The following AJAP1 variants were observed in gnomAD, a reference collection of about 807,000 sequenced individuals.
AJAP1 encodes the protein adherens junctions associated protein 1.
In AJAP1, 5 loss-of-function variants were observed where a neutral mutation model predicts 35.0. The observed-to-expected ratio is 0.14, with a 90% CI of 0.07 to 0.30. AJAP1 has a LOEUF of 0.30. Ranked by LOEUF, AJAP1 falls within the 10% of genes least tolerant of loss-of-function variation. AJAP1 has a pLI of 1.00. For missense variants in AJAP1, 586 were observed against 571.0 expected, an observed-to-expected ratio of 1.03 and a Z score of -0.27; for synonymous variants, 284 against 249.3, an observed-to-expected ratio of 1.14 and a Z score of -1.31.
intron 2 of AJAP1, among the ~76,000 whole-genome samples, chr1:4,769,506 G>A (rs986532292): frequency 2.6e-5 from 4 of 152,186 alleles, no homozygotes; most frequent in African/African-American, 9.7e-5. Flanking sequence ...GAGCTGACCT[G>A]CCGCCAGGTA....
At chr1:4,711,361 C>T (rs1640229947) in intron 1 of AJAP1, among the ~76,000 whole-genome samples, 1 of 152,110 alleles carries the variant, frequency 6.6e-6, no homozygotes, top group South Asian at 2.1e-4. Flanking sequence ...CTTGAAACCT[C>T]CGCTCCTCCT....
intron 1 of AJAP1, among the ~76,000 whole-genome samples, chr1:4,691,145 C>T (rs1447085627): frequency 1.3e-5 from 2 of 152,210 alleles, no homozygotes; most frequent in African/African-American, 2.4e-5. Flanking sequence ...CGTGACTAAG[C>T]TGGGACCAGA....
intron 1 of AJAP1, among the ~76,000 whole-genome samples, chr1:4,711,694 C>G (rs1232851552): frequency 6.6e-6 from 1 of 152,186 alleles, no homozygotes; most frequent in African/African-American, 2.4e-5. Flanking sequence ...CCCGCACCCT[C>G]GCAGCGCGCG....
chr1:4,749,964 ATGTT>A (rs749335644), intron 2 of AJAP1, among the ~76,000 whole-genome samples: 2 of 150,932 alleles, frequency 1.3e-5, no homozygotes, highest in Non-Finnish European at 2.9e-5. Context: ...ATGTGTGTGT[ATGTT>A]TGTGTGTGAG....
In AJAP1 at chr1:4,791,047, G is replaced by A. The variant is rs779800431; in HGVS notation, c.*8562G>A. ...GATGGCAGGTGCTGGAGCCCAGAGA[G>A]GGGGTCACCCTCCAGCTAAAATGAT... On this transcript the variant is annotated 3_prime_UTR_variant, in exon 6 of 6. Transcript: ENST00000378191. 1 of 152,118 alleles carries A rather than the reference G, an allele frequency of 6.6e-6. No homozygotes were observed. Among genetic ancestry groups the A allele is most frequent in the Non-Finnish European group, 1.5e-5 (1 of 68,028 alleles). The allele number at this position is 152,118 out of a possible 1,614,324, so 9.4% of individuals were successfully genotyped here. A position where few individuals can be genotyped will look rare whatever the true frequency, so the allele number is the denominator to read the frequency against.
At chr1:4,722,131 G>A (rs1640531759) in intron 2 of AJAP1, among the ~76,000 whole-genome samples, 1 of 152,218 alleles carries the variant, frequency 6.6e-6, no homozygotes, top group Admixed American at 6.5e-5. Flanking sequence ...AGAGATGTTT[G>A]GGACAAAAAT....
chr1:4,679,335 T>G (rs920887461), intron 1 of AJAP1, among the ~76,000 whole-genome samples: 1 of 152,034 alleles, frequency 6.6e-6, no homozygotes, highest in African/African-American at 2.4e-5. Flanking sequence ...CCCCAGCTAC[T>G]AGAACAAAGA....
intron 1 of AJAP1, among the ~76,000 whole-genome samples, chr1:4,678,860 T>C (rs74697122): frequency 0.042 from 6,469 of 152,280 alleles, 179 homozygotes; most frequent in South Asian, 0.074. Context: ...TCAACAGGAC[T>C]GTGAGCCAGA....
intron 2 of AJAP1, among the ~76,000 whole-genome samples, chr1:4,769,484 A>C (rs1261063718): frequency 6.6e-6 from 1 of 152,158 alleles, no homozygotes; most frequent in Non-Finnish European, 1.5e-5. Flanking sequence ...GCCATGGGGA[A>C]TATCTCACCC....
chr1:4,705,521 A>G (rs4654590), intron 1 of AJAP1, among the ~76,000 whole-genome samples: 27,913 of 147,780 alleles, frequency 0.19, 3,005 homozygotes, highest in East Asian at 0.35. Flanking sequence ...CTTCCCAGTG[A>G]CAGCACTGGG....
chr1:4,748,054 A>G (rs1448362670), intron 2 of AJAP1, among the ~76,000 whole-genome samples: 1 of 149,430 alleles, frequency 6.7e-6, no homozygotes, highest in East Asian at 2.0e-4. Context: ...AACCCCACCC[A>G]CTGTGTCCCC....
At chr1:4,707,958 G>A (rs2411893) in intron 1 of AJAP1, among the ~76,000 whole-genome samples, 18,333 of 141,930 alleles carry the variant, frequency 0.13, 1,421 homozygotes, top group East Asian at 0.34. Context: ...TGATGTGGGC[G>A]GTACGTTTTT....
Position 4,700,383 on chromosome 1 carries a change from G to A in AJAP1, c.30-11517G>A, listed in dbSNP as rs114411350. Among the ~76,000 whole-genome samples the A allele has an allele frequency of 8.4e-4, 128 of 152,198 alleles. 1 individual carries two copies. Among genetic ancestry groups the A allele is most frequent in the African/African-American group, 2.8e-3 (115 of 41,534 alleles). ...TCGCCCCCACAGGCGCCCATGAGTG[G>A]ATCTGCCTGAGGCCTGGGCCTCAGC... On this transcript the variant is annotated intron_variant, in intron 1 of 5. Coordinates refer to ENST00000378191, the MANE Select transcript of AJAP1 (RefSeq NM_018836.4).
intron 1 of AJAP1, among the ~76,000 whole-genome samples, chr1:4,680,650 C>CT (rs1639461833): frequency 6.6e-6 from 1 of 152,188 alleles, no homozygotes; most frequent in Non-Finnish European, 1.5e-5. Context: ...GTAAAGCCAC[C>CT]CTTGAGTCTG....
chr1:4,717,341 C>G (rs1421398306), intron 2 of AJAP1, among the ~76,000 whole-genome samples: 1 of 152,214 alleles, frequency 6.6e-6, no homozygotes, highest in Non-Finnish European at 1.5e-5. Flanking sequence ...GGCCCCAAGA[C>G]TTTCCCGCCT....
rs574787424 is a variant in AJAP1 at position 4,692,514 on chromosome 1, G to A, written c.30-19386G>A. 2.0e-5 allele frequency among the ~76,000 whole-genome samples: 3 copies of A among 152,326 alleles called. No homozygotes were observed. The highest frequency in any genetic ancestry group is 4.8e-5 in the African/African-American group (2 of 41,570). Reference sequence around the variant, plus strand: ...CAAATTCCCCACCCCAGGCATCCGGGAGGAACTTCCTGGGAAAAGAGAAAA... The same window carrying A: ...CAAATTCCCCACCCCAGGCATCCGGAAGGAACTTCCTGGGAAAAGAGAAAA... On this transcript the variant is annotated intron_variant, in intron 1 of 5. Coordinates refer to ENST00000378191, the MANE Select transcript of AJAP1 (RefSeq NM_018836.4). This position sits in a 1 kb window ranked among gnomAD's most constrained non-coding sequence, Gnocchi z 4.4.
intron 5 of AJAP1, among the ~76,000 whole-genome samples, chr1:4,781,831 G>A (rs1305272139): frequency 1.3e-5 from 2 of 152,284 alleles, no homozygotes; most frequent in African/African-American, 2.4e-5. Flanking sequence ...ACTCAGCCAG[G>A]GAGACTGCAT....
At chr1:4,702,014 T>C (rs1639999567) in intron 1 of AJAP1, among the ~76,000 whole-genome samples, 2 of 152,226 alleles carry the variant, frequency 1.3e-5, no homozygotes, top group Admixed American at 1.3e-4. Flanking sequence ...TTACTGATTT[T>C]GCCCTAGTTT....
chr1:4,668,008 A>G (rs1019063923), intron 1 of AJAP1, among the ~76,000 whole-genome samples: 1 of 152,176 alleles, frequency 6.6e-6, no homozygotes, highest in Non-Finnish European at 1.5e-5. Context: ...TGAGGTCAGG[A>G]GTTCAAGACC....
Sources: allele counts gnomAD v4.1 joint callset (sites outside exome capture counted in the v4.1 genomes callset), GRCh38; gene constraint gnomAD v4.1.1; non-coding constraint Gnocchi (gnomAD v3.1); transcripts MANE v1.5; gene names NCBI Gene and HGNC (gene_info 2026-07-23, HGNC 2026-07-21).